The following FBXW8 variants were observed in gnomAD, a reference collection of about 807,000 sequenced individuals.
FBXW8 encodes the protein F-box/WD repeat-containing protein 8.
A neutral mutation model predicts 65.3 loss-of-function variants in FBXW8; 57 were observed. That is an observed-to-expected ratio of 0.87 (90% confidence interval 0.71 to 1.09). The LOEUF (loss-of-function observed/expected upper bound fraction) is 1.09, where lower values mean the gene tolerates loss of function less well. Among genes scored for constraint, FBXW8 ranks in the 50% least tolerant of loss-of-function variants. The pLI is 0.00. For missense variants in FBXW8, 777 were observed against 814.8 expected (o/e 0.95, Z 0.57); for synonymous variants, 308 against 330.2 (o/e 0.93, Z 0.73).
chr12:117,026,906 C>A (rs919658392), intron 9 of FBXW8, among the ~76,000 whole-genome samples: 1 of 152,194 alleles, frequency 6.6e-6, no homozygotes, highest in East Asian at 1.9e-4. Flanking sequence ...ATTTTCCGAA[C>A]GTGCTTTCAC....
intron 5 of FBXW8, among the ~76,000 whole-genome samples, chr12:116,970,449 G>GCCT (rs1225072205): frequency 1.3e-5 from 2 of 152,178 alleles, no homozygotes; most frequent in Admixed American, 6.5e-5. Flanking sequence ...GCTGCCCTGG[G>GCCT]CGGAGGTGAC....
At chr12:116,972,524 C>T (rs1375294819) in intron 5 of FBXW8, among the ~76,000 whole-genome samples, 1 of 152,092 alleles carries the variant, frequency 6.6e-6, no homozygotes, top group African/African-American at 2.4e-5. Context: ...GGCCATTAAA[C>T]GGGCCCAAGT....
At chr12:117,025,544 C>T (rs1042974015) in intron 9 of FBXW8, among the ~76,000 whole-genome samples, 6 of 152,176 alleles carry the variant, frequency 3.9e-5, no homozygotes, top group African/African-American at 1.2e-4. Flanking sequence ...CTCCAAGAGG[C>T]GGCAGGGTTA....
At chr12:116,969,727 A>T (rs1201514082) in intron 5 of FBXW8, among the ~76,000 whole-genome samples, 1 of 150,156 alleles carries the variant, frequency 6.7e-6, no homozygotes, top group East Asian at 2.0e-4. Context: ...CGGTGGAGGG[A>T]ATCGTATCCA....
rs1432875292 is a variant in FBXW8 at position 116,988,847 on chromosome 12, G to C, written c.1217G>C (p.Gly406Ala). ...GTTGCTTTTGGTGTACAGGGTCTGGGATGGGTGTACGAAGGAAGCAAGGTA... is the reference window on the plus strand; with the variant it reads ...GTTGCTTTTGGTGTACAGGGTCTGGCATGGGTGTACGAAGGAAGCAAGGTA... ...NQVAFGVQGLGWVYEGSKILV... is the reference protein window; with the variant it reads ...NQVAFGVQGLAWVYEGSKILV... Residue 406 changes from glycine to alanine, a missense_variant, in exon 7 of 11, where the codon GGA (glycine) becomes GCA (alanine). Gly to Ala is a moderately conservative substitution (Grantham distance 60). Transcript: ENST00000652555. 6.2e-7 allele frequency: 1 copy of C among 1,614,080 alleles called. No homozygotes were observed. The highest frequency in any genetic ancestry group is 2.2e-5 in the East Asian group (1 of 44,876).
At chr12:117,013,968 C>T (rs1317518639) in intron 8 of FBXW8, among the ~76,000 whole-genome samples, 2 of 151,424 alleles carry the variant, frequency 1.3e-5, no homozygotes, top group African/African-American at 4.9e-5. Flanking sequence ...ATATTTATGT[C>T]TTTCACTAAA....
intron 5 of FBXW8, among the ~76,000 whole-genome samples, chr12:116,968,826 A>AG (rs1373055892): frequency 2.0e-5 from 3 of 152,202 alleles, no homozygotes; most frequent in Admixed American, 6.5e-5. Flanking sequence ...ATTAAAAAAA[A>AG]AATGTGTACC....
intron 1 of FBXW8, among the ~76,000 whole-genome samples, chr12:116,926,383 A>C (rs1443592357): frequency 6.6e-6 from 1 of 152,212 alleles, no homozygotes; most frequent in Non-Finnish European, 1.5e-5. Flanking sequence ...AATCCAAAAA[A>C]GAAAGCAGGA....
chr12:116,932,094 A>G (rs1881814402), intron 2 of FBXW8, among the ~76,000 whole-genome samples: 1 of 152,140 alleles, frequency 6.6e-6, no homozygotes, highest in Non-Finnish European at 1.5e-5. Context: ...ACCTGAGGTG[A>G]TCACATCGTT....
intron 2 of FBXW8, among the ~76,000 whole-genome samples, chr12:116,942,488 C>T (rs1448462534): frequency 1.3e-5 from 2 of 151,336 alleles, no homozygotes; most frequent in Non-Finnish European, 2.9e-5. Context: ...GATTCTCCTG[C>T]CTCAGCCTCC....
At chr12:116,973,687 G>T (rs575793487) in intron 5 of FBXW8, among the ~76,000 whole-genome samples, 2 of 152,242 alleles carry the variant, frequency 1.3e-5, no homozygotes, top group African/African-American at 4.8e-5. Context: ...ACTCAGGGAA[G>T]GTCTTAAGAA....
rs1180911923 is a variant in FBXW8, at chr12:116,938,144, T to C, written c.424-7220T>C. 5.9e-5 allele frequency among the ~76,000 whole-genome samples: 9 copies of C among 152,174 alleles called. No individual in the cohort carries two copies. In the South Asian group the frequency reaches 1.9e-3, roughly 32 times the overall value. On this transcript the variant is annotated intron_variant, in intron 2 of 10. Coordinates refer to ENST00000652555, the MANE Select transcript of FBXW8 (RefSeq NM_153348.3). ...TTTAACTAGGTCTTTTTCTTGTTGA[T>C]TTTTTTTCCTTCAGAATTAAAAGTC...
At chr12:116,977,963 T>A (rs1885059205) in intron 5 of FBXW8, 1 of 152,250 alleles carries the variant, frequency 6.6e-6, no homozygotes, top group Non-Finnish European at 1.5e-5. Context: ...TCTTACTTCC[T>A]CTTCTCTTGA....
intron 2 of FBXW8, among the ~76,000 whole-genome samples, chr12:116,943,496 A>G (rs1211430290): frequency 2.0e-5 from 3 of 152,214 alleles, no homozygotes; most frequent in Non-Finnish European, 4.4e-5. Flanking sequence ...TAGTTATCAA[A>G]TGGAGATTTC....
intron 2 of FBXW8, among the ~76,000 whole-genome samples, chr12:116,942,925 G>A (rs1056352839): frequency 6.6e-5 from 10 of 151,176 alleles, no homozygotes; most frequent in South Asian, 2.1e-4. Context: ...CTACAGGTGC[G>A]TGCCACCATG....
intron 8 of FBXW8, among the ~76,000 whole-genome samples, chr12:117,013,239 CA>C (rs56995610): frequency 3.8e-5 from 3 of 78,446 alleles, no homozygotes; most frequent in Non-Finnish European, 6.2e-5. Flanking sequence ...GAGACTCCAT[CA>C]TCTCAAAAAA....
At position 116,994,163 on chromosome 12, in the gene FBXW8, T is replaced by G. The variant is rs567430930; in HGVS notation, c.1239+5294T>G. On this transcript the variant is annotated intron_variant, in intron 7 of 10. Transcript: ENST00000652555. ...AACAGCATGGTACTGGTGGTAAAAG[T>G]AGATATGTATTGGTACTGGTGTAAA... Among the ~76,000 whole-genome samples, 6 of 152,218 alleles carry G rather than the reference T, an allele frequency of 3.9e-5. No homozygotes were observed. The South Asian group carries it at 1.2e-3, about 32-fold the overall frequency.
At chr12:116,994,983 C>T (rs1953342036) in intron 7 of FBXW8, among the ~76,000 whole-genome samples, 1 of 152,216 alleles carries the variant, frequency 6.6e-6, no homozygotes, top group Admixed American at 6.5e-5. Flanking sequence ...TCCCCTTCCC[C>T]TAGTGGTTCT....
intron 1 of FBXW8, among the ~76,000 whole-genome samples, chr12:116,919,585 G>T (rs1880720898): frequency 2.0e-5 from 3 of 152,154 alleles, no homozygotes; most frequent in Admixed American, 2.0e-4. Context: ...TCACCGATAA[G>T]CCCTTAGCTT....
Sources: allele counts gnomAD v4.1 joint callset (sites outside exome capture counted in the v4.1 genomes callset), GRCh38; gene constraint gnomAD v4.1.1; transcripts MANE v1.5; gene names NCBI Gene and HGNC (gene_info 2026-07-23, HGNC 2026-07-21).